The following MCC variants were observed in gnomAD, a reference collection of about 807,000 sequenced individuals.
MCC encodes the protein colorectal mutant cancer protein.
MCC carries 90 observed loss-of-function variants against 116.2 expected under a neutral mutation model. The observed-to-expected ratio is 0.77, with a 90% CI of 0.65 to 0.92. The LOEUF (loss-of-function observed/expected upper bound fraction) is 0.92. Ranked by LOEUF, MCC falls within the 40% of genes least tolerant of loss-of-function variation. The pLI, the probability that MCC is intolerant of heterozygous loss-of-function variation, is 0.00. For missense variants in MCC, 1,516 were observed against 1,312.2 expected, an observed-to-expected ratio of 1.16 and a Z score of -2.40; for synonymous variants, 578 against 510.5, an observed-to-expected ratio of 1.13 and a Z score of -1.78.
Position 113,264,091 on chromosome 5 carries a change from C to T in MCC, c.627+76428G>A, listed in dbSNP as rs554431289. Among the ~76,000 whole-genome samples, 20 of 152,152 alleles carry T rather than the reference C, an allele frequency of 1.3e-4. No individual in the cohort carries two copies. The South Asian group carries it at 3.1e-3, about 24-fold the overall frequency. ...TTTAGAAACAAAAATTAAGTGATTC[C>T]GAAAGATATGATTTTTCAGTTGTAA... On this transcript the variant is annotated intron_variant, in intron 3 of 18. Transcript: ENST00000408903.
intron 3 of MCC, among the ~76,000 whole-genome samples, chr5:113,271,709 G>T (rs1480181815): frequency 1.3e-5 from 2 of 152,188 alleles, no homozygotes; most frequent in Non-Finnish European, 2.9e-5. Flanking sequence ...GGCCATAAGG[G>T]CTCTGCCCTT....
chr5:113,189,351 G>A (rs1255756297), intron 3 of MCC, among the ~76,000 whole-genome samples: 1 of 152,202 alleles, frequency 6.6e-6, no homozygotes, highest in Non-Finnish European at 1.5e-5. Context: ...CCTTTGAAGT[G>A]TTAGCCCAAT....
At position 113,405,598 on chromosome 5, in the gene MCC, G is replaced by A. The variant is rs1400798005; in HGVS notation, c.171-20386C>T. Among the ~76,000 whole-genome samples, 2 of 151,928 alleles carry A rather than the reference G, an allele frequency of 1.3e-5. 1 individual carries two copies. Among genetic ancestry groups the A allele is most frequent in the African/African-American group, 4.8e-5 (2 of 41,340 alleles). The stretch of plus-strand genomic sequence containing the variant: ...GATGCCAGGAGTTCAAGACTAGCCT[G>A]GGCAACATAGGGAGACATCCGCCCC... On this transcript the variant is annotated intron_variant, in intron 1 of 18. Coordinates refer to ENST00000408903, the MANE Select transcript of MCC (RefSeq NM_001085377.2).
chr5:113,035,983 T>C (rs898972830), intron 17 of MCC, among the ~76,000 whole-genome samples: 1 of 147,056 alleles, frequency 6.8e-6, no homozygotes, highest in Admixed American at 6.8e-5. Context: ...GTCAGTACTA[T>C]CATGATTCTC....
At chr5:113,334,742 C>T (rs957409572) in intron 3 of MCC, among the ~76,000 whole-genome samples, 1 of 150,976 alleles carries the variant, frequency 6.6e-6, no homozygotes, top group African/African-American at 2.5e-5. Flanking sequence ...AGGCACGCAC[C>T]ACCACACCCG....
intron 2 of MCC, among the ~76,000 whole-genome samples, chr5:113,373,113 A>T (rs561010398): frequency 2.3e-4 from 35 of 151,844 alleles, no homozygotes; most frequent in African/African-American, 8.0e-4. Flanking sequence ...CGAGAGGCGG[A>T]GCTTGCAGTG....
rs143705054 is a variant in MCC, at chr5:113,227,987, T to C, written c.628-76565A>G. Among the ~76,000 whole-genome samples the C allele has an allele frequency of 9.0e-3, 1,365 of 152,346 alleles. 6 individuals are homozygous for C. Among genetic ancestry groups the C allele is most frequent in the Non-Finnish European group, 0.013 (852 of 68,034 alleles). On this transcript the variant is annotated intron_variant, in intron 3 of 18. Coordinates refer to ENST00000408903, the MANE Select transcript of MCC (RefSeq NM_001085377.2). The stretch of plus-strand genomic sequence containing the variant: ...AATTTAGTCAAACCCAGGTATTACA[T>C]AGCAACAGATGATGCTACTGTCAAC...
At chr5:113,041,895 G>T (rs190051070) in intron 17 of MCC, among the ~76,000 whole-genome samples, 2 of 152,058 alleles carry the variant, frequency 1.3e-5, no homozygotes, top group Non-Finnish European at 2.9e-5. Context: ...AACTTGGGAG[G>T]CTGAGGCAGG....
intron 2 of MCC, among the ~76,000 whole-genome samples, chr5:113,378,637 C>A (rs1388327818): frequency 6.6e-6 from 1 of 152,144 alleles, no homozygotes; most frequent in African/African-American, 2.4e-5. Context: ...CAGGTGACAG[C>A]CTCATTAGGT....
chr5:113,478,372 T>C (rs935967180), intron 1 of MCC, among the ~76,000 whole-genome samples: 4 of 152,182 alleles, frequency 2.6e-5, no homozygotes, highest in Non-Finnish European at 4.4e-5. Context: ...GAAAGGAAGA[T>C]GGTAAGAAAC....
At chr5:113,451,560 C>A (rs923550600) in intron 1 of MCC, among the ~76,000 whole-genome samples, 5 of 152,158 alleles carry the variant, frequency 3.3e-5, no homozygotes, top group African/African-American at 1.2e-4. Flanking sequence ...CATGGAGAGA[C>A]CTCGTCTCTA....
intron 3 of MCC, among the ~76,000 whole-genome samples, chr5:113,274,822 C>T (rs963885936): frequency 3.3e-5 from 5 of 152,162 alleles, no homozygotes; most frequent in Non-Finnish European, 7.3e-5. Context: ...ATCCAAGTTC[C>T]CACAATCAAC....
chr5:113,227,079 C>T (rs1763769035), intron 3 of MCC, among the ~76,000 whole-genome samples: 1 of 152,116 alleles, frequency 6.6e-6, no homozygotes, highest in Non-Finnish European at 1.5e-5. Context: ...TTTTCTTTTA[C>T]TTTTTCGATG....
chr5:113,037,843 G>C (rs1751423403), intron 17 of MCC, among the ~76,000 whole-genome samples: 1 of 152,214 alleles, frequency 6.6e-6, no homozygotes, highest in African/African-American at 2.4e-5. Context: ...AAGATGAATT[G>C]TCCAGAGGGG....
rs150373544 is a variant in MCC at position 113,417,694 on chromosome 5, C to A, written c.171-32482G>T. 9.6e-3 allele frequency among the ~76,000 whole-genome samples: 1,457 copies of A among 152,150 alleles called. 31 individuals carry two copies. The highest frequency in any genetic ancestry group is 0.034 in the African/African-American group (1,402 of 41,514). ...CTGTAATTCTAGCACTTTGGGAGGCCGAGGCAGGGGGATTGCTTGATGTCA... is the reference window on the plus strand; with the variant it reads ...CTGTAATTCTAGCACTTTGGGAGGCAGAGGCAGGGGGATTGCTTGATGTCA... On this transcript the variant is annotated intron_variant, in intron 1 of 18. Transcript: ENST00000408903.
chr5:113,249,608 C>T (rs758568205), intron 3 of MCC, among the ~76,000 whole-genome samples: 17 of 152,160 alleles, frequency 1.1e-4, no homozygotes, highest in South Asian at 2.1e-4. Context: ...TTCCTCTTGG[C>T]TCACCCCCCA....
chr5:113,042,952 G>C (rs907062533), intron 17 of MCC, among the ~76,000 whole-genome samples: 3 of 152,110 alleles, frequency 2.0e-5, no homozygotes, highest in African/African-American at 7.2e-5. Flanking sequence ...ATTTCTGCTG[G>C]ACAATGCTGC....
intron 16 of MCC, among the ~76,000 whole-genome samples, chr5:113,046,283 C>T (rs890567456): frequency 1.6e-4 from 24 of 151,978 alleles, no homozygotes; most frequent in Non-Finnish European, 2.9e-4. Context: ...ACTTCCGCCT[C>T]CCAGGTTCAA....
At position 113,197,900 on chromosome 5, in the gene MCC, G is replaced by A. The variant is rs188293033; in HGVS notation, c.628-46478C>T. On this transcript the variant is annotated intron_variant, in intron 3 of 18. Coordinates refer to ENST00000408903, the MANE Select transcript of MCC (RefSeq NM_001085377.2). ...TTCCGTAAACCCAGGCAGGAGAGGC[G>A]GAGGAAAGCACAGAGGTGACACTCG... Among the ~76,000 whole-genome samples the A allele has an allele frequency of 1.9e-3, 294 of 152,320 alleles. 2 individuals are homozygous for A. The highest frequency in any genetic ancestry group is 3.4e-3 in the Middle Eastern group (1 of 294).
Sources: gnomAD v4.1 joint callset for allele counts (sites outside exome capture counted in the v4.1 genomes callset) on GRCh38, gnomAD v4.1.1 for gene constraint, MANE v1.5 for transcripts, NCBI Gene and HGNC (gene_info 2026-07-23, HGNC 2026-07-21) for gene names.